CTNNA3: variants seen among roughly 807,000 people sequenced by gnomAD.
CTNNA3 encodes catenin alpha 3.
CTNNA3 carries 76 observed loss-of-function variants against 95.7 expected under a neutral mutation model. That is an observed-to-expected ratio of 0.79 (90% CI 0.66 to 0.96). The LOEUF is 0.96. CTNNA3 is among the 40% of genes least tolerant of loss of function. The probability of loss-of-function intolerance (pLI) is 0.00; values close to 1 mark genes in which losing one functional copy is unlikely to be tolerated. For missense variants in CTNNA3, 1,191 were observed against 1,089.8 expected, an observed-to-expected ratio of 1.09 and a Z score of -1.31; for synonymous variants, 431 against 374.4, an observed-to-expected ratio of 1.15 and a Z score of -1.74.
chr10:67,585,636 C>A (rs140372258), intron 3 of CTNNA3, among the ~76,000 whole-genome samples: 1 of 152,096 alleles, frequency 6.6e-6, no homozygotes, highest in East Asian at 1.9e-4. Context: ...TATTTATAAT[C>A]GTCTCTGATG....
intron 5 of CTNNA3, among the ~76,000 whole-genome samples, chr10:67,273,574 T>G (rs534801066): frequency 1.3e-5 from 2 of 152,312 alleles, no homozygotes; most frequent in African/African-American, 4.8e-5. Flanking sequence ...AATTTCATTC[T>G]TATTTATTTA....
chr10:66,077,920 A>T (rs1457477440), intron 14 of CTNNA3, among the ~76,000 whole-genome samples: 2 of 151,770 alleles, frequency 1.3e-5, no homozygotes, highest in Admixed American at 1.3e-4. Flanking sequence ...AGCAAGAGTC[A>T]ATCTTTAAAA....
At chr10:67,709,327 C>T (rs1405615752) in intron 1 of CTNNA3, among the ~76,000 whole-genome samples, 1 of 152,054 alleles carries the variant, frequency 6.6e-6, no homozygotes, top group Non-Finnish European at 1.5e-5. Flanking sequence ...ATGAGTAAAA[C>T]CAGAGTTAGG....
chr10:67,507,636 G>A (rs191547237), intron 5 of CTNNA3, among the ~76,000 whole-genome samples: 65 of 151,838 alleles, frequency 4.3e-4, no homozygotes, highest in African/African-American at 1.3e-3. Flanking sequence ...CTTCACTGCT[G>A]AATTCAACTA....
intron 1 of CTNNA3, among the ~76,000 whole-genome samples, chr10:67,701,791 T>C (rs1423025265): frequency 6.6e-6 from 1 of 151,316 alleles, no homozygotes; most frequent in African/African-American, 2.4e-5. Flanking sequence ...ACTTTAAATG[T>C]AAATGGACTA....
chr10:67,369,832 G>A (rs1843351884), intron 5 of CTNNA3, among the ~76,000 whole-genome samples: 1 of 152,154 alleles, frequency 6.6e-6, no homozygotes, highest in Admixed American at 6.5e-5. Context: ...GCTTCAGCAT[G>A]CAGGTATTCT....
chr10:66,493,766 C>T (rs540520851), intron 11 of CTNNA3, among the ~76,000 whole-genome samples: 2 of 151,198 alleles, frequency 1.3e-5, no homozygotes, highest in Non-Finnish European at 3.0e-5. Context: ...CCACCATGCC[C>T]GGCTAATTTT....
intron 7 of CTNNA3, among the ~76,000 whole-genome samples, chr10:66,991,630 C>G (rs1031765513): frequency 1.3e-5 from 2 of 152,126 alleles, no homozygotes; most frequent in Non-Finnish European, 1.5e-5. Context: ...TGGCTCACTG[C>G]AACCTTCGCC....
intron 10 of CTNNA3, among the ~76,000 whole-genome samples, chr10:66,579,689 T>C (rs1171430260): frequency 2.0e-5 from 3 of 151,932 alleles, no homozygotes; most frequent in East Asian, 3.9e-4. Flanking sequence ...TATTTTATTG[T>C]TCCTTCATCT....
At chr10:67,554,308 G>A (rs1218945644) in intron 3 of CTNNA3, among the ~76,000 whole-genome samples, 1 of 152,158 alleles carries the variant, frequency 6.6e-6, no homozygotes, top group Non-Finnish European at 1.5e-5. Flanking sequence ...CAGTGTTTCT[G>A]GTTCTACATC....
chr10:65,942,291 G>A (rs1446275336), intron 17 of CTNNA3, among the ~76,000 whole-genome samples: 1 of 152,180 alleles, frequency 6.6e-6, no homozygotes, highest in African/African-American at 2.4e-5. Flanking sequence ...GCATCCAGGA[G>A]GCTGAGATGG....
intron 7 of CTNNA3, among the ~76,000 whole-genome samples, chr10:66,945,035 T>C (rs1310335239): frequency 6.6e-6 from 1 of 152,098 alleles, no homozygotes; most frequent in Non-Finnish European, 1.5e-5. Context: ...GGCCCCAGGA[T>C]TTTCAGAATG....
At chr10:67,736,154 C>T (rs1180419857) in intron 1 of CTNNA3, among the ~76,000 whole-genome samples, 1 of 151,970 alleles carries the variant, frequency 6.6e-6, no homozygotes, top group African/African-American at 2.4e-5. Context: ...CATGGACAAA[C>T]CTTGATAACA....
chr10:67,256,991 T>G (rs1304980973), intron 5 of CTNNA3, among the ~76,000 whole-genome samples: 1 of 152,218 alleles, frequency 6.6e-6, no homozygotes, highest in Non-Finnish European at 1.5e-5. Flanking sequence ...AATGCATCTT[T>G]GCTAAGATTT....
chr10:65,948,666 G>A (rs996672038), intron 17 of CTNNA3, among the ~76,000 whole-genome samples: 11 of 151,996 alleles, frequency 7.2e-5, no homozygotes, highest in African/African-American at 2.7e-4. Flanking sequence ...AGGTTTTATT[G>A]AGGGTCAATG....
In CTNNA3 at chr10:66,766,227, C is replaced by T. The variant is rs536864676; in HGVS notation, c.1281+37G>A. The T allele has an allele frequency of 2.9e-5, 46 of 1,602,534 alleles. 1 individual carries two copies. The East Asian group carries it at 9.4e-4, about 33-fold the overall frequency. ...AAATGGAGAATGGGAGCCTCATTCT[C>T]CTGGACTTTAGTGAGTTACAGTTCT... On this transcript the variant is annotated intron_variant, in intron 9 of 17. Coordinates refer to ENST00000433211, the MANE Select transcript of CTNNA3 (RefSeq NM_013266.4).
chr10:67,251,091 C>A (rs1020518314), intron 5 of CTNNA3, among the ~76,000 whole-genome samples: 1 of 152,180 alleles, frequency 6.6e-6, no homozygotes, highest in Non-Finnish European at 1.5e-5. Context: ...CAATGTCCAT[C>A]AACTGATGAA....
chr10:66,710,116 T>C (rs1375273710), intron 9 of CTNNA3, among the ~76,000 whole-genome samples: 1 of 152,148 alleles, frequency 6.6e-6, no homozygotes, highest in African/African-American at 2.4e-5. Context: ...CATAAACAGA[T>C]GTGAGAATTG....
In CTNNA3 at chr10:67,173,952, G is replaced by A. The variant is rs185580500; in HGVS notation, c.1047+6365C>T. Among the ~76,000 whole-genome samples, 150 of 152,228 alleles carry A rather than the reference G, an allele frequency of 9.9e-4. 1 individual carries two copies. The highest frequency in any genetic ancestry group is 1.9e-3 in the Non-Finnish European group (128 of 68,016). ...TCTGCTGGAAGGCAAATGACAAAGG[G>A]CTCTCAGGCTTTAAGCTCTCTGGCC... On this transcript the variant is annotated intron_variant, in intron 7 of 17. Coordinates refer to ENST00000433211, the MANE Select transcript of CTNNA3 (RefSeq NM_013266.4).
Sources: allele counts gnomAD v4.1 joint callset (sites outside exome capture counted in the v4.1 genomes callset), GRCh38; gene constraint gnomAD v4.1.1; transcripts MANE v1.5; gene names NCBI Gene and HGNC (gene_info 2026-07-23, HGNC 2026-07-21).